Variants in KDM5B observed in about 807,000 individuals in gnomAD.
KDM5B encodes the protein lysine-specific demethylase 5B.
A neutral mutation model predicts 193.4 loss-of-function variants in KDM5B; 144 were observed. The observed-to-expected ratio is 0.74, with a 90% CI of 0.65 to 0.86. The LOEUF is 0.86. KDM5B is among the 40% of genes least tolerant of loss of function. The pLI is 0.00. For missense variants in KDM5B, 1,833 were observed against 1,886.9 expected (o/e 0.97, Z 0.53); for synonymous variants, 668 against 682.6 (o/e 0.98, Z 0.33).
chr1:202,735,288 C>A, intron 22 of KDM5B, 141 bp downstream of exon 22: 2 of 865,676 alleles, frequency 2.3e-6, no homozygotes, highest in Non-Finnish European at 3.5e-6. Flanking sequence ...TAACACTTGA[C>A]AATTTTCAAA....
In KDM5B at chr1:202,755,793, G is replaced by A. The variant is rs556049027; in HGVS notation, c.1357-341C>T. ...ATCCTGAGGGCATAGTGCTCGTCCT[G>A]AAAGAGGAAAAGTAGTGAAGGAGAG... On this transcript the variant is annotated intron_variant, in intron 10 of 26. Coordinates refer to ENST00000367265, the MANE Select transcript of KDM5B (RefSeq NM_006618.5). 5.3e-5 allele frequency among the ~76,000 whole-genome samples: 8 copies of A among 152,226 alleles called. No homozygotes were observed. The South Asian group carries it at 1.7e-3, about 32-fold the overall frequency.
intron 23 of KDM5B, among the ~76,000 whole-genome samples, chr1:202,732,661 C>T (rs1654931560): frequency 6.7e-6 from 1 of 150,312 alleles, no homozygotes; most frequent in African/African-American, 2.4e-5. Flanking sequence ...AACAATTTAA[C>T]TCATATAATC....
In KDM5B at chr1:202,729,170, C is replaced by T; in HGVS notation, c.4501G>A (p.Asp1501Asn). 2 of 1,614,074 alleles carry T rather than the reference C, an allele frequency of 1.2e-6. No individual in the cohort carries two copies. The highest frequency in any genetic ancestry group is 1.7e-6 in the Non-Finnish European group (2 of 1,179,962). ...SCLQPEGDEV[D>N]WVQCDGSCNQ... ...CAGCTGCCATCACACTGGACCCAGT[C>T]CACCTGGTTACAAAGAGCAGGAAGA... The change falls in exon 27 of 27, where the codon GAC becomes AAC. Residue 1501 changes from aspartate to asparagine, a missense_variant. Coordinates refer to ENST00000367265, the MANE Select transcript of KDM5B (RefSeq NM_006618.5).
At position 202,780,219 on chromosome 1, in the gene KDM5B, C is replaced by T. The variant is rs571563737; in HGVS notation, c.205-3125G>A. The stretch of plus-strand genomic sequence containing the variant: ...TTTTTGAGATGGAGTCTCATGCTGT[C>T]ACCCAGGCTGGAATGCAATGGCACA... On this transcript the variant is annotated intron_variant, in intron 1 of 26. Transcript: ENST00000367265. Among the ~76,000 whole-genome samples the T allele has an allele frequency of 2.6e-5, 4 of 152,132 alleles. No homozygotes were observed. The East Asian group carries it at 7.7e-4, about 29-fold the overall frequency.
intron 11 of KDM5B, 22 bp downstream of exon 11, chr1:202,755,249 G>A (rs1304588269): frequency 1.2e-6 from 2 of 1,601,760 alleles, no homozygotes; most frequent in Admixed American, 1.7e-5. Context: ...ACTACTCATG[G>A]GTTCTTTTTG....
chr1:202,749,331 G>A (rs897711752), intron 13 of KDM5B, among the ~76,000 whole-genome samples, 192 bp from the exon 14 acceptor site: 2 of 152,174 alleles, frequency 1.3e-5, no homozygotes, highest in African/African-American at 2.4e-5. Context: ...GGGAGGCCAA[G>A]CCTTGCTTGA....
chr1:202,785,227 C>T (rs1041451311), intron 1 of KDM5B, among the ~76,000 whole-genome samples: 1 of 152,162 alleles, frequency 6.6e-6, no homozygotes, highest in Non-Finnish European at 1.5e-5. Flanking sequence ...CTTTAAGGAC[C>T]TTATCCTTCC....
At chr1:202,732,992 G>C (rs978287041) in intron 23 of KDM5B, among the ~76,000 whole-genome samples, 1 of 152,162 alleles carries the variant, frequency 6.6e-6, no homozygotes, top group Non-Finnish European at 1.5e-5. Context: ...GGCAAAAAGC[G>C]ATAAAAGGCA....
intron 8 of KDM5B, 25 bp from the exon 9 acceptor site, chr1:202,758,535 T>C (rs371735510): frequency 9.6e-6 from 15 of 1,569,266 alleles, no homozygotes; most frequent in East Asian, 2.3e-5. Flanking sequence ...AATTACGTTC[T>C]AGGTGACACT....
chr1:202,804,932 G>A (rs1245266959), intron 1 of KDM5B, among the ~76,000 whole-genome samples: 2 of 150,224 alleles, frequency 1.3e-5, no homozygotes, highest in Non-Finnish European at 1.5e-5. Context: ...TTGAAAGCAA[G>A]AAAATAAGTT....
intron 11 of KDM5B, 75 bp downstream of exon 11, chr1:202,755,196 C>T: frequency 9.0e-7 from 1 of 1,108,686 alleles, no homozygotes; most frequent in Non-Finnish European, 1.3e-6. Context: ...ACAGTTAAGA[C>T]ACATCTGCAC....
At chr1:202,796,207 C>A in intron 1 of KDM5B, 1 of 277,994 alleles carries the variant, frequency 3.6e-6, no homozygotes, top group Non-Finnish European at 7.2e-6. Flanking sequence ...TTCAGAGCCT[C>A]TCTTATGCCA....
chr1:202,801,262 A>G (rs1253466761), intron 1 of KDM5B, among the ~76,000 whole-genome samples: 1 of 77,524 alleles, frequency 1.3e-5, no homozygotes, highest in Non-Finnish European at 4.0e-5. Context: ...GAAAGCTTAA[A>G]TGCTTAAAAA....
intron 13 of KDM5B, 36 bp downstream of exon 13, chr1:202,750,623 A>T (rs373720720): frequency 8.7e-6 from 14 of 1,602,900 alleles, no homozygotes; most frequent in Non-Finnish European, 1.2e-5. Flanking sequence ...GAAAAACAAT[A>T]AATTTGAAAA....
intron 8 of KDM5B, among the ~76,000 whole-genome samples, chr1:202,760,210 G>T (rs903219569): frequency 2.0e-5 from 3 of 152,068 alleles, no homozygotes; most frequent in African/African-American, 7.2e-5. Flanking sequence ...GCTACGTGGG[G>T]GGGGCTGAGG....
intron 9 of KDM5B, 101 bp from the exon 10 acceptor site, chr1:202,756,617 TTG>T: frequency 1.1e-6 from 1 of 882,004 alleles, no homozygotes; most frequent in Non-Finnish European, 1.6e-6. Flanking sequence ...TAAGGAAAAA[TTG>T]TGTCTATAAT....
intron 20 of KDM5B, among the ~76,000 whole-genome samples, chr1:202,736,830 T>C (rs991377070): frequency 6.6e-6 from 1 of 152,006 alleles, no homozygotes; most frequent in Non-Finnish European, 1.5e-5. Flanking sequence ...TTAGTAGAGA[T>C]GGTGTTTCAC....
chr1:202,758,492 C>G lies in KDM5B; in HGVS notation c.1096G>C (p.Glu366Gln). 2.5e-6 allele frequency: 4 copies of G among 1,610,472 alleles called. No individual in the cohort carries two copies. Among genetic ancestry groups the G allele is most frequent in the Non-Finnish European group, 3.4e-6 (4 of 1,177,334 alleles). The change falls in exon 9 of 27, where the codon GAA becomes CAA. Residue 366 changes from glutamate to glutamine, a missense_variant. Physicochemically the swap from Glu to Gln is conservative, Grantham distance 29. Around this residue, in one of 3 missense-constraint regions of KDM5B, gnomAD observed 99 missense variants for 162.4 expected, o/e 0.61. Transcript: ENST00000367265. The stretch of plus-strand genomic sequence containing the variant: ...GCTGCTTGTTCAAAGCCAAATGCTT[C>G]TTGTGGCTTACTACATTCCTGAAAA... ...CLAQECSKPQ[E>Q]AFGFEQAARD...
Position 202,741,462 on chromosome 1 carries a change from C to G in KDM5B, c.2850G>C (p.Pro950=), listed in dbSNP as rs141076441. 1 of 1,613,494 alleles carries G rather than the reference C, an allele frequency of 6.2e-7. No individual in the cohort carries two copies. The highest frequency in any genetic ancestry group is 1.1e-5 in the South Asian group (1 of 91,034). The change falls in exon 19 of 27, where the codon CCG becomes CCC. Residue 950 remains proline (P), a synonymous_variant. Transcript: ENST00000367265. The stretch of plus-strand genomic sequence containing the variant: ...CCATAGCTTTCTCCACTGCTGAATA[C>G]GGGGCCAGCCCTACCCCTAGGTCTA... ...RLIDLGVGLA[P]YSAVEKAMAR... is the part of the protein sequence containing the mutation.
Sources: allele counts gnomAD v4.1 joint callset (sites outside exome capture counted in the v4.1 genomes callset), GRCh38; gene constraint gnomAD v4.1.1; regional missense constraint gnomAD v4.1.1; transcripts MANE v1.5; gene names NCBI Gene and HGNC (gene_info 2026-07-23, HGNC 2026-07-21).